RALB: variants seen among roughly 807,000 people sequenced by gnomAD.
RALB encodes RAS like proto-oncogene B.
A neutral mutation model predicts 21.3 loss-of-function variants in RALB; 16 were observed. The observed-to-expected ratio is 0.75, with a 90% CI of 0.51 to 1.14. RALB has a LOEUF of 1.14. Ranked by LOEUF, RALB falls within the 50% of genes most tolerant of loss-of-function variation. The probability of loss-of-function intolerance (pLI) is 0.00; values close to 1 mark genes in which losing one functional copy is unlikely to be tolerated. For synonymous variants in RALB, 93 were observed against 96.1 expected (o/e 0.97, Z 0.19); for missense variants, 161 against 256.2 (o/e 0.63, Z 2.54).
chr2:120,249,226 G>T (rs1023995368), upstream of RALB, among the ~76,000 whole-genome samples: 11 of 151,904 alleles, frequency 7.2e-5, no homozygotes, highest in African/African-American at 2.4e-4. Context: ...GTAGAGATGG[G>T]GTTTCACCAT....
intron 1 of RALB, among the ~76,000 whole-genome samples, chr2:120,266,369 C>T (rs1189708234): frequency 6.6e-6 from 1 of 152,212 alleles, no homozygotes. Context: ...CTCAGCCTCC[C>T]AAGTAGCTGG....
intron 1 of RALB, chr2:120,253,284 C>G (rs1689106758): frequency 6.0e-6 from 4 of 662,984 alleles, no homozygotes; most frequent in Non-Finnish European, 7.5e-6. Flanking sequence ...TCTGCTTCCA[C>G]TTCCTGCCGC....
intron 1 of RALB, among the ~76,000 whole-genome samples, chr2:120,242,333 G>A (rs1020140409): frequency 2.6e-5 from 4 of 152,178 alleles, no homozygotes; most frequent in Non-Finnish European, 5.9e-5. Flanking sequence ...ATGGCTGCAC[G>A]ACACTGGGAA....
intron 1 of RALB, among the ~76,000 whole-genome samples, chr2:120,267,637 A>G (rs935796635): frequency 2.0e-5 from 3 of 152,146 alleles, no homozygotes; most frequent in Non-Finnish European, 2.9e-5. Context: ...TGGCTTTCAC[A>G]TAGTGTATGT....
At chr2:120,285,447 G>GT (rs1156654577) in intron 2 of RALB, among the ~76,000 whole-genome samples, 5 of 152,128 alleles carry the variant, frequency 3.3e-5, no homozygotes, top group African/African-American at 2.4e-5. Context: ...AAGAACTCCA[G>GT]TTTTTTGATA....
intron 4 of RALB, 54 bp downstream of exon 4, chr2:120,289,811 G>T: frequency 6.7e-7 from 1 of 1,494,860 alleles, no homozygotes; most frequent in South Asian, 1.3e-5. Flanking sequence ...ACAGCAGAAT[G>T]GAGGCATCTC....
chr2:120,243,900 T>C lies in RALB; in HGVS notation c.19+3775T>C, dbSNP rs536199311. On this transcript the variant is annotated intron_variant, in intron 1 of 3. Coordinates refer to the RALB transcript ENST00000447591. ...CAGGGCCTGCCACAGACATTGGCTGTATTAGTCTGTTCTCACACTACTATA... is the reference window on the plus strand; with the variant it reads ...CAGGGCCTGCCACAGACATTGGCTGCATTAGTCTGTTCTCACACTACTATA... Among the ~76,000 whole-genome samples the C allele has an allele frequency of 1.7e-4, 26 of 152,300 alleles. No individual in the cohort carries two copies. The South Asian group carries it at 5.4e-3, about 32-fold the overall frequency.
At chr2:120,281,805 G>A (rs1480100299) in intron 2 of RALB, among the ~76,000 whole-genome samples, 1 of 152,170 alleles carries the variant, frequency 6.6e-6, no homozygotes, top group Non-Finnish European at 1.5e-5. Flanking sequence ...TATAACAGAG[G>A]TTGGGGAAGA....
chr2:120,253,443 C>G, intron 1 of RALB: 1 of 985,650 alleles, frequency 1.0e-6, no homozygotes, highest in Non-Finnish European at 1.2e-6. Flanking sequence ...CTTCGGTTTG[C>G]TGGTTTTGTT....
At chr2:120,245,755 C>T (rs899951977) in intron 1 of RALB, among the ~76,000 whole-genome samples, 5 of 152,270 alleles carry the variant, frequency 3.3e-5, no homozygotes, top group Middle Eastern at 3.4e-3. Context: ...GCCCTGAGCC[C>T]CTGCCTCTGG....
At chr2:120,280,883 CAAA>C (rs1043769336) in intron 2 of RALB, 9 of 440,546 alleles carry the variant, frequency 2.0e-5, no homozygotes, top group Admixed American at 7.8e-5. Flanking sequence ...ATACAGCAAA[CAAA>C]AAAGTAGAAG....
intron 3 of RALB, among the ~76,000 whole-genome samples, chr2:120,288,356 T>G (rs1046553751): frequency 1.4e-5 from 2 of 143,860 alleles, no homozygotes; most frequent in East Asian, 3.9e-4. Context: ...TTTTTTTTGT[T>G]TTTTTTTTTG....
At chr2:120,240,424 A>G (rs1320786977) in intron 1 of RALB, among the ~76,000 whole-genome samples, 1 of 151,816 alleles carries the variant, frequency 6.6e-6, no homozygotes, top group Non-Finnish European at 1.5e-5. Context: ...AGCTGGGACT[A>G]CAGGTGCATG....
intron 1 of RALB, chr2:120,253,620 G>A (rs774628620): frequency 7.6e-5 from 75 of 985,310 alleles, no homozygotes; most frequent in Non-Finnish European, 8.7e-5. Flanking sequence ...AACCGTGCTC[G>A]GTGCAGGGTT....
At chr2:120,277,623 CTTGTGAGT>C (rs1265598205) in intron 1 of RALB, among the ~76,000 whole-genome samples, 1 of 151,378 alleles carries the variant, frequency 6.6e-6, no homozygotes, top group Non-Finnish European at 1.5e-5. Context: ...AGCATGTGAG[CTTGTGAGT>C]GTACATGAGC....
intron 1 of RALB, among the ~76,000 whole-genome samples, chr2:120,258,083 T>C (rs1177929164): frequency 6.6e-6 from 1 of 152,206 alleles, no homozygotes; most frequent in Non-Finnish European, 1.5e-5. Context: ...CCCCTCTGTT[T>C]TTCTACTCTG....
chr2:120,287,786 A>G (rs896798107), intron 3 of RALB, among the ~76,000 whole-genome samples: 1 of 152,252 alleles, frequency 6.6e-6, no homozygotes, highest in African/African-American at 2.4e-5. Context: ...TTAGAAGAAA[A>G]AGGACAGATG....
At chr2:120,269,598 T>C (rs1440698249) in intron 1 of RALB, among the ~76,000 whole-genome samples, 2 of 152,220 alleles carry the variant, frequency 1.3e-5, no homozygotes, top group African/African-American at 4.8e-5. Flanking sequence ...AGAGCGCTGA[T>C]TGGTGCGTTT....
chr2:120,292,803 A>G lies in RALB; in HGVS notation c.502-338A>G, dbSNP rs552042080. 1.4e-3 allele frequency among the ~76,000 whole-genome samples: 215 copies of G among 151,914 alleles called. 3 individuals are homozygous for G. Among genetic ancestry groups the G allele is most frequent in the Middle Eastern group, 0.014 (4 of 292 alleles). On this transcript the variant is annotated intron_variant, in intron 4 of 4. Coordinates refer to ENST00000272519, the MANE Select transcript of RALB (RefSeq NM_002881.3). ...CCTGTCTGAATTTAAAAAAAAAAAA[A>G]GCTGCTGCTGCATGGCAGTGACAGT...
Sources: gnomAD v4.1 joint callset for allele counts (sites outside exome capture counted in the v4.1 genomes callset) on GRCh38, gnomAD v4.1.1 for gene constraint, MANE v1.5 for transcripts, NCBI Gene and HGNC (gene_info 2026-07-23, HGNC 2026-07-21) for gene names.